ADGRL2: variants seen among roughly 807,000 people sequenced by gnomAD.
The protein encoded by ADGRL2 is calcium-independent alpha-latrotoxin receptor 2.
A neutral mutation model predicts 157.4 loss-of-function variants in ADGRL2; 44 were observed. The ratio of observed to expected loss-of-function variants is 0.28; its 90% CI spans 0.22 to 0.36. ADGRL2 has a LOEUF of 0.36. Ranked by LOEUF, ADGRL2 falls within the 10% of genes least tolerant of loss-of-function variation. The pLI is 1.00. For missense variants in ADGRL2, 1,510 were observed against 1,768.9 expected (o/e 0.85, Z 2.63); for synonymous variants, 585 against 624.7 (o/e 0.94, Z 0.95).
intron 1 of ADGRL2, among the ~76,000 whole-genome samples, chr1:81,754,619 T>C (rs1033638318): frequency 1.3e-5 from 2 of 149,544 alleles, no homozygotes; most frequent in East Asian, 4.0e-4. Flanking sequence ...TTCTTTTCTT[T>C]CTCTCTTCTT....
At position 81,789,556 on chromosome 1, in the gene ADGRL2, T is replaced by C. The variant is rs1014066651; in HGVS notation, c.-101+27704T>C. On this transcript the variant is annotated intron_variant, in intron 2 of 20. Coordinates refer to the ADGRL2 transcript ENST00000359929. ...TCCTGGCCAACATGGTGAAACCCCA[T>C]CTCTATTAAATACACAAAAATTAGC... is the stretch of plus-strand genomic sequence containing the variant. Among the ~76,000 whole-genome samples, 4 of 151,778 alleles carry C rather than the reference T, an allele frequency of 2.6e-5. No homozygotes were observed. The East Asian group carries it at 5.8e-4, about 22-fold the overall frequency.
Position 81,990,492 on chromosome 1 carries a change from G to A in ADGRL2, c.3757G>A (p.Asp1253Asn). The A allele has an allele frequency of 6.2e-7, 1 of 1,614,088 alleles. No individual in the cohort carries two copies. Among genetic ancestry groups the A allele is most frequent in the Non-Finnish European group, 8.5e-7 (1 of 1,179,974 alleles). Residue 1253 changes from aspartate to asparagine, a missense_variant, in exon 24 of 24, where the codon GAC becomes AAC. Around this residue, in one of 4 missense-constraint regions of ADGRL2, gnomAD observed 327 missense variants for 310.1 expected, o/e 1.05. Coordinates refer to ENST00000686636, the MANE Select transcript of ADGRL2 (RefSeq NM_001366006.2). ...CTCGCTGCACAAGGGTGACTATAAT[G>A]ACAGCGTGCAAGTTGTGGACTGTGG... ...SYSLHKGDYNDSVQVVDCGLS... is the reference protein window; with the variant it reads ...SYSLHKGDYNNSVQVVDCGLS...
chr1:81,327,873 T>A (rs1661004812), intron 1 of ADGRL2, among the ~76,000 whole-genome samples: 1 of 152,138 alleles, frequency 6.6e-6, no homozygotes, highest in Non-Finnish European at 1.5e-5. Context: ...CTCAGTACCG[T>A]GGACAAGGCC....
chr1:81,551,241 G>C (rs1230784376), intron 2 of ADGRL2, among the ~76,000 whole-genome samples: 1 of 152,162 alleles, frequency 6.6e-6, no homozygotes, highest in Non-Finnish European at 1.5e-5. Context: ...CTAAGGACAG[G>C]TTTTTCCTCT....
Position 81,991,257 on chromosome 1 carries a change from G to C in ADGRL2, c.*112G>C. On this transcript the variant is annotated 3_prime_UTR_variant, in exon 24 of 24. Coordinates refer to ENST00000686636, the MANE Select transcript of ADGRL2 (RefSeq NM_001366006.2). The stretch of plus-strand genomic sequence containing the variant: ...CTTGAAGAGATGACTCTTGACCTGT[G>C]GTTCTCTGGTGTAAAAAAGATGACT... 1 of 973,974 alleles carries C rather than the reference G, an allele frequency of 1.0e-6. No homozygotes were observed. Among genetic ancestry groups the C allele is most frequent in the Non-Finnish European group, 1.5e-6 (1 of 664,422 alleles). The allele number at this position is 973,974 out of a possible 1,614,324, so 60.3% of individuals were successfully genotyped here. A position where few individuals can be genotyped will look rare whatever the true frequency, so the allele number is the denominator to read the frequency against.
chr1:81,848,888 A>AT (rs2092901344), intron 2 of ADGRL2, among the ~76,000 whole-genome samples: 1 of 151,964 alleles, frequency 6.6e-6, no homozygotes, highest in African/African-American at 2.4e-5. Context: ...GTCCACACAG[A>AT]TTATCAGTCA....
intron 2 of ADGRL2, among the ~76,000 whole-genome samples, chr1:81,485,668 G>A (rs2078484806): frequency 6.6e-6 from 1 of 152,114 alleles, no homozygotes; most frequent in Non-Finnish European, 1.5e-5. Context: ...GGTGCACACA[G>A]GTACCAAAGA....
rs529002017 is a variant in ADGRL2, at chr1:81,462,804, G to A, written c.-248+17715G>A. ...TGTAGAAAATCATTTATCAGAAAAA[G>A]GGTAAAAAAATTAGGACAGAAAAAT... On this transcript the variant is annotated intron_variant, in intron 2 of 24. Transcript: ENST00000370721. 2.0e-5 allele frequency among the ~76,000 whole-genome samples: 3 copies of A among 152,124 alleles called. No homozygotes were observed. In the South Asian group the frequency reaches 6.2e-4, roughly 32 times the overall value.
intron 1 of ADGRL2, among the ~76,000 whole-genome samples, chr1:81,397,654 T>A (rs990562810): frequency 9.9e-5 from 15 of 152,156 alleles, no homozygotes; most frequent in African/African-American, 3.6e-4. Flanking sequence ...TGATTTTATT[T>A]ATTTGGGTCT....
At chr1:81,556,760 T>G (rs2080288922) in intron 2 of ADGRL2, among the ~76,000 whole-genome samples, 1 of 151,702 alleles carries the variant, frequency 6.6e-6, no homozygotes, top group Non-Finnish European at 1.5e-5. Flanking sequence ...TGGCAAAGAG[T>G]TCTTCCAAAA....
At chr1:81,720,405 A>G (rs947869676) in intron 1 of ADGRL2, among the ~76,000 whole-genome samples, 38 of 151,774 alleles carry the variant, frequency 2.5e-4, no homozygotes, top group African/African-American at 9.2e-4. Flanking sequence ...CCTGAGCTCA[A>G]AGTGATCCGC....
chr1:81,559,141 A>G (rs1179971799), intron 2 of ADGRL2, among the ~76,000 whole-genome samples: 1 of 152,136 alleles, frequency 6.6e-6, no homozygotes, highest in Non-Finnish European at 1.5e-5. Flanking sequence ...TGGAGTCAGA[A>G]ATTCCTGAGT....
intron 3 of ADGRL2, among the ~76,000 whole-genome samples, chr1:81,690,832 G>A (rs963465586): frequency 2.6e-5 from 4 of 152,164 alleles, no homozygotes; most frequent in Non-Finnish European, 4.4e-5. Context: ...CTTGCTGGTA[G>A]GTACATTCAG....
At chr1:81,969,696 C>G (rs1160474913) in intron 15 of ADGRL2, among the ~76,000 whole-genome samples, 3 of 151,990 alleles carry the variant, frequency 2.0e-5, no homozygotes, top group Non-Finnish European at 4.4e-5. Context: ...ATTTTGTTTA[C>G]ATAGTCATTC....
rs56718232 is a variant in ADGRL2 at position 81,606,745 on chromosome 1, CGTGTGTGT to C, written c.-143+25787_-143+25794del. Among the ~76,000 whole-genome samples, 627 of 146,982 alleles carry C rather than the reference CGTGTGTGT, an allele frequency of 4.3e-3. 1 individual carries two copies. Among genetic ancestry groups the C allele is most frequent in the Middle Eastern group, 0.021 (6 of 290 alleles). Reference sequence around the variant, plus strand: ...CAGATAAATTTCTCAAGAGGATCAACGTGTGTGTGTGTGTGTGTGTGTGTGTGTGCGCA... The same window carrying C: ...CAGATAAATTTCTCAAGAGGATCAACGTGTGTGTGTGTGTGTGTGTGCGCA... On this transcript the variant is annotated intron_variant, in intron 3 of 24. Transcript: ENST00000370721.
At chr1:81,857,619 C>A (rs987769371) in intron 2 of ADGRL2, among the ~76,000 whole-genome samples, 2 of 152,160 alleles carry the variant, frequency 1.3e-5, no homozygotes, top group Non-Finnish European at 2.9e-5. Context: ...ATATCAGCTT[C>A]TTCTCTCAAA....
At chr1:81,438,705 G>A (rs1052659812) in intron 1 of ADGRL2, among the ~76,000 whole-genome samples, 1 of 152,312 alleles carries the variant, frequency 6.6e-6, no homozygotes, top group East Asian at 1.9e-4. Context: ...CAGCAGGGAT[G>A]ACCTGGGTTT....
chr1:81,785,043 A>G (rs921476454), intron 2 of ADGRL2, among the ~76,000 whole-genome samples: 3 of 152,146 alleles, frequency 2.0e-5, no homozygotes, highest in Non-Finnish European at 4.4e-5. Context: ...GGGAAAAAAA[A>G]GAGAAAATTT....
intron 2 of ADGRL2, among the ~76,000 whole-genome samples, chr1:81,491,150 A>T (rs1220446744): frequency 6.7e-6 from 1 of 150,132 alleles, no homozygotes; most frequent in Admixed American, 6.6e-5. Flanking sequence ...CTTCTGCTAC[A>T]TGAAACGTAG....
Sources: allele counts gnomAD v4.1 joint callset (sites outside exome capture counted in the v4.1 genomes callset), GRCh38; gene constraint gnomAD v4.1.1; regional missense constraint gnomAD v4.1.1; transcripts MANE v1.5; gene names NCBI Gene and HGNC (gene_info 2026-07-23, HGNC 2026-07-21).